The following MAP4K4 variants were observed in gnomAD, a reference collection of about 807,000 sequenced individuals.
MAP4K4 encodes mitogen-activated protein kinase kinase kinase kinase 4.
MAP4K4 carries 38 observed loss-of-function variants against 189.6 expected under a neutral mutation model. The observed-to-expected ratio is 0.20, with a 90% CI of 0.15 to 0.26. MAP4K4 has a LOEUF of 0.26. Among genes scored for constraint, MAP4K4 ranks in the 10% least tolerant of loss-of-function variants. MAP4K4 has a pLI of 1.00. For synonymous variants in MAP4K4, 610 were observed against 624.3 expected, an observed-to-expected ratio of 0.98 and a Z score of 0.34; for missense variants, 1,054 against 1,726.9, an observed-to-expected ratio of 0.61 and a Z score of 6.91.
At chr2:101,729,536 C>T (rs2057459344) in intron 2 of MAP4K4, among the ~76,000 whole-genome samples, 1 of 152,120 alleles carries the variant, frequency 6.6e-6, no homozygotes, top group Non-Finnish European at 1.5e-5. Context: ...ATGCTAGGTT[C>T]CTTTTAGCAA....
At chr2:101,786,823 C>T (rs899515937) in intron 2 of MAP4K4, among the ~76,000 whole-genome samples, 8 of 152,092 alleles carry the variant, frequency 5.3e-5, no homozygotes, top group Non-Finnish European at 8.8e-5. Context: ...TTTTTAGGAT[C>T]GGTTGAGAAA....
chr2:101,795,633 C>T (rs949838982), intron 3 of MAP4K4, among the ~76,000 whole-genome samples: 2 of 152,134 alleles, frequency 1.3e-5, no homozygotes, highest in African/African-American at 2.4e-5. Flanking sequence ...CTCTGAGGAG[C>T]CTTAGTTCTG....
At chr2:101,824,133 A>G (rs957953382) in intron 4 of MAP4K4, 80 bp downstream of exon 4, 39 of 428,144 alleles carry the variant, frequency 9.1e-5, no homozygotes, top group Middle Eastern at 1.0e-3. Flanking sequence ...GGGGCGGGGG[A>G]AAGAGGGGGG....
chr2:101,785,727 T>C (rs866170345), intron 2 of MAP4K4, among the ~76,000 whole-genome samples: 51 of 5,944 alleles, frequency 8.6e-3, no homozygotes, highest in South Asian at 0.018. Context: ...TCTCTCTCTC[T>C]CTCTCTCTCT....
chr2:101,858,038 T>C (rs2149806349), intron 13 of MAP4K4, among the ~76,000 whole-genome samples: 1 of 152,354 alleles, frequency 6.6e-6, no homozygotes, highest in African/African-American at 2.4e-5. Context: ...AAATGTTTTA[T>C]GCTTTTCAAG....
exon 33 of MAP4K4, chr2:101,893,043 T>A (rs950932411): frequency 4.4e-6 from 2 of 456,440 alleles, no homozygotes; most frequent in Non-Finnish European, 8.8e-6. Context: ...AATGGGGGAT[T>A]TTCCCTCTGC....
At chr2:101,724,204 A>G (rs2053922309) in intron 2 of MAP4K4, among the ~76,000 whole-genome samples, 1 of 152,196 alleles carries the variant, frequency 6.6e-6, no homozygotes, top group Non-Finnish European at 1.5e-5. Context: ...ATCAGTGTGC[A>G]ATGTCCTGTG....
At chr2:101,798,278 A>G (rs536853823) in intron 3 of MAP4K4, among the ~76,000 whole-genome samples, 1 of 152,204 alleles carries the variant, frequency 6.6e-6, no homozygotes, top group South Asian at 2.1e-4. Flanking sequence ...ATAACTATAT[A>G]TGTTTATGTA....
intron 3 of MAP4K4, chr2:101,797,194 AG>A (rs1160499454): frequency 4.7e-6 from 6 of 1,263,592 alleles, no homozygotes; most frequent in Non-Finnish European, 6.2e-6. Flanking sequence ...AACAAAAGGA[AG>A]GGAAGGAGAG....
chr2:101,785,710 C>CTTTTCCTTTTTTGAGTTGGAG (rs1558914188), intron 2 of MAP4K4, among the ~76,000 whole-genome samples: 1 of 5,878 alleles, frequency 1.7e-4, no homozygotes, highest in East Asian at 6.7e-3. Context: ...CTCTCTCTCT[C>CTTTTCCTTTTTTGAGTTGGAG]TCTCTCTCTC....
At chr2:101,822,201 T>G (rs2096102056) in intron 3 of MAP4K4, among the ~76,000 whole-genome samples, 1 of 152,262 alleles carries the variant, frequency 6.6e-6, no homozygotes, top group Non-Finnish European at 1.5e-5. Context: ...TTTATTATTA[T>G]GTACTATACA....
chr2:101,699,382 G>T (rs559516605), intron 2 of MAP4K4, among the ~76,000 whole-genome samples: 2 of 152,218 alleles, frequency 1.3e-5, no homozygotes, highest in African/African-American at 4.8e-5. Flanking sequence ...ACAGTCTAGA[G>T]ATTATGAAAG....
exon 33 of MAP4K4, chr2:101,892,645 C>G: frequency 3.1e-6 from 1 of 317,618 alleles, no homozygotes. Flanking sequence ...GTAGTTAATT[C>G]TGCTTATTCA....
intron 3 of MAP4K4, among the ~76,000 whole-genome samples, chr2:101,800,562 TAAA>T (rs1378866483): frequency 6.6e-6 from 1 of 152,208 alleles, no homozygotes; most frequent in African/African-American, 2.4e-5. Flanking sequence ...GTTTTAAATA[TAAA>T]AAAGGAATAG....
chr2:101,818,765 A>T (rs2095865540), intron 3 of MAP4K4, among the ~76,000 whole-genome samples: 1 of 151,790 alleles, frequency 6.6e-6, no homozygotes, highest in African/African-American at 2.4e-5. Flanking sequence ...CTAAAAACTC[A>T]TCTCCTAGTC....
At chr2:101,869,829 G>T (rs1437430014) in intron 22 of MAP4K4, 32 bp downstream of exon 22, 4 of 1,490,224 alleles carry the variant, frequency 2.7e-6, no homozygotes, top group South Asian at 1.4e-5. Context: ...GAGCGGATGA[G>T]AGTATTCTCT....
At chr2:101,873,992 C>A in intron 25 of MAP4K4, 90 bp from the exon 26 acceptor site, 1 of 1,146,172 alleles carries the variant, frequency 8.7e-7, no homozygotes, top group Non-Finnish European at 1.3e-6. Context: ...GGTTATACCA[C>A]ATGAATATTT....
chr2:101,731,756 GAA>G (rs567369821), intron 2 of MAP4K4, among the ~76,000 whole-genome samples: 3 of 133,376 alleles, frequency 2.2e-5, no homozygotes, highest in African/African-American at 2.8e-5. Flanking sequence ...GTCTGAAAAG[GAA>G]AAAAAAAAAA....
chr2:101,708,160 A>G (rs941612373), intron 2 of MAP4K4, among the ~76,000 whole-genome samples: 2 of 152,012 alleles, frequency 1.3e-5, no homozygotes, highest in African/African-American at 2.4e-5. Flanking sequence ...TTTCCCCTTT[A>G]TATCTTTATT....
Sources: allele counts gnomAD v4.1 joint callset (sites outside exome capture counted in the v4.1 genomes callset), GRCh38; gene constraint gnomAD v4.1.1; transcripts MANE v1.5; gene names NCBI Gene and HGNC (gene_info 2026-07-23, HGNC 2026-07-21).